Variants in CALN1 observed in about 807,000 individuals in gnomAD.
The protein encoded by CALN1 is calcium-binding protein 8.
In CALN1, 17 loss-of-function variants were observed where a neutral mutation model predicts 30.6. The observed-to-expected ratio is 0.56, with a 90% CI of 0.38 to 0.83. CALN1 has a LOEUF of 0.83. Ranked by LOEUF, CALN1 falls within the 40% of genes least tolerant of loss-of-function variation. CALN1 has a pLI of 0.00. For synonymous variants in CALN1, 156 were observed against 131.4 expected (o/e 1.19, Z -1.28); for missense variants, 291 against 354.9 (o/e 0.82, Z 1.45).
intron 5 of CALN1, among the ~76,000 whole-genome samples, chr7:72,022,765 G>A (rs571592544): frequency 6.6e-6 from 1 of 152,186 alleles, no homozygotes; most frequent in Non-Finnish European, 1.5e-5. Context: ...AGCACTGATA[G>A]ATTATAGCAT....
chr7:72,491,649 G>A, the CALN1 span, among the ~76,000 whole-genome samples: 5 of 152,164 alleles, frequency 3.3e-5, no homozygotes, highest in African/African-American at 1.2e-4. Flanking sequence ...CTTCACTGGG[G>A]CCTTCAGGAC....
rs565717241 is a variant in CALN1 at position 71,783,542 on chromosome 7, T to C, written c.*4233A>G. ...CACAGTAAACACAGATCCCAGGACA[T>C]GTGACCACACGTGGCCAGGCCAGCC... On this transcript the variant is annotated 3_prime_UTR_variant, in exon 7 of 7. Coordinates refer to ENST00000395275, the MANE Select transcript of CALN1 (RefSeq NM_031468.4). The C allele has an allele frequency of 2.6e-5, 4 of 152,596 alleles. No individual in the cohort carries two copies. Among genetic ancestry groups the C allele is most frequent in the Non-Finnish European group, 5.9e-5 (4 of 68,068 alleles). 9.5% of individuals were successfully genotyped at this position (152,596 alleles called of 1,614,324 possible).
At chr7:71,814,020 G>A (rs1361866771) in intron 5 of CALN1, among the ~76,000 whole-genome samples, 2 of 151,900 alleles carry the variant, frequency 1.3e-5, no homozygotes, top group Non-Finnish European at 2.9e-5. Flanking sequence ...CAGGAAGGGT[G>A]TATTACACAA....
chr7:72,356,994 G>T (rs1279897200), intron 2 of CALN1, among the ~76,000 whole-genome samples: 2 of 151,900 alleles, frequency 1.3e-5, no homozygotes, highest in African/African-American at 4.9e-5. Context: ...TTCAGGGCAA[G>T]AAGTGGAGAC....
intron 5 of CALN1, among the ~76,000 whole-genome samples, chr7:71,905,544 C>T (rs1173652036): frequency 6.6e-6 from 1 of 152,024 alleles, no homozygotes; most frequent in Non-Finnish European, 1.5e-5. Context: ...CTCATTGATC[C>T]TCTACATCAG....
At position 72,273,267 on chromosome 7, in the gene CALN1, C is replaced by A. The variant is rs950179565; in HGVS notation, c.244+5419G>T. ...GACTACCCTGTCTCTACTAAAATTA[C>A]AAAAATTCGCCAGGCGTGGTGGTGC... On this transcript the variant is annotated intron_variant, in intron 3 of 6. Transcript: ENST00000395275. 2.6e-5 allele frequency among the ~76,000 whole-genome samples: 4 copies of A among 151,840 alleles called. No individual in the cohort carries two copies. In the East Asian group the frequency reaches 7.8e-4, roughly 29 times the overall value.
intron 3 of CALN1, among the ~76,000 whole-genome samples, chr7:72,140,601 G>T (rs1002210055): frequency 6.6e-6 from 1 of 152,236 alleles, no homozygotes; most frequent in African/African-American, 2.4e-5. Context: ...GGCAGGCAGG[G>T]TGTGGCCAGT....
chr7:72,337,288 G>A (rs1405128196), intron 2 of CALN1: 4 of 985,094 alleles, frequency 4.1e-6, no homozygotes, highest in Admixed American at 6.2e-5. Flanking sequence ...GGCTCGCCTT[G>A]GCCGCCTGCG....
chr7:72,011,678 T>A (rs1800089969), intron 5 of CALN1, among the ~76,000 whole-genome samples: 1 of 152,176 alleles, frequency 6.6e-6, no homozygotes, highest in South Asian at 2.1e-4. Flanking sequence ...TTCCTTTCTC[T>A]CCTGTTTGCT....
In CALN1 at chr7:71,824,819, C is replaced by G. The variant is rs145691071; in HGVS notation, c.502-14327G>C. Among the ~76,000 whole-genome samples, 48 of 152,262 alleles carry G rather than the reference C, an allele frequency of 3.2e-4. 2 individuals carry two copies. Among genetic ancestry groups the G allele is most frequent in the African/African-American group, 1.1e-3 (46 of 41,558 alleles). ...CGATCAATGGGTCAGAACTTCTTAA[C>G]CAGGGAGCAGAATTGGTTGCAGTGC... On this transcript the variant is annotated intron_variant, in intron 5 of 6. Coordinates refer to ENST00000395275, the MANE Select transcript of CALN1 (RefSeq NM_031468.4).
At chr7:72,389,973 CA>C (rs1805472944) in intron 2 of CALN1, among the ~76,000 whole-genome samples, 1 of 151,286 alleles carries the variant, frequency 6.6e-6, no homozygotes, top group Admixed American at 6.6e-5. Context: ...GGAGAATTAA[CA>C]AGCACTAGTT....
At chr7:72,253,750 C>CT (rs1795722470) in intron 3 of CALN1, among the ~76,000 whole-genome samples, 2 of 152,172 alleles carry the variant, frequency 1.3e-5, no homozygotes, top group African/African-American at 4.8e-5. Flanking sequence ...TATCCCCATT[C>CT]TTTTTTTATA....
intron 3 of CALN1, among the ~76,000 whole-genome samples, chr7:72,196,453 A>G (rs1445733624): frequency 6.6e-6 from 1 of 151,924 alleles, no homozygotes; most frequent in Non-Finnish European, 1.5e-5. Flanking sequence ...AAATGTTCTA[A>G]AAGTGATTAC....
chr7:71,922,038 T>C (rs954211172), intron 5 of CALN1, among the ~76,000 whole-genome samples: 24 of 152,322 alleles, frequency 1.6e-4, no homozygotes, highest in African/African-American at 4.3e-4. Context: ...GAGATGCAAT[T>C]GTTGGCCAAA....
At position 71,847,847 on chromosome 7, in the gene CALN1, G is replaced by GAGAAGGAGAAGA. The variant is rs746393698; in HGVS notation, c.502-37356_502-37355insTCTTCTCCTTCT. Among the ~76,000 whole-genome samples the GAGAAGGAGAAGA allele has an allele frequency of 8.9e-3, 1,195 of 134,772 alleles. 27 individuals carry two copies. The highest frequency in any genetic ancestry group is 0.032 in the African/African-American group (1,084 of 34,188). The allele number at this position is 134,772 out of a possible 152,430, so 88.4% of individuals were successfully genotyped here. ...GGAGAAGGAGAAGGAGAAGGAGAAG[G>GAGAAGGAGAAGA]AGAAGAAGAAGAGGAAAGTTTTCCC... On this transcript the variant is annotated intron_variant, in intron 5 of 6. Coordinates refer to ENST00000395275, the MANE Select transcript of CALN1 (RefSeq NM_031468.4).
intron 4 of CALN1, among the ~76,000 whole-genome samples, chr7:72,075,327 C>T (rs569093686): frequency 2.0e-5 from 3 of 152,294 alleles, no homozygotes; most frequent in East Asian, 3.9e-4. Flanking sequence ...TCTGGGAACC[C>T]GGTGGCCCAG....
chr7:72,204,032 C>T lies in CALN1; in HGVS notation c.244+74654G>A, dbSNP rs1164076758. Among the ~76,000 whole-genome samples the T allele has an allele frequency of 2.4e-5, 3 of 124,714 alleles. No individual in the cohort carries two copies. In the East Asian group the frequency reaches 8.7e-4, roughly 36 times the overall value. 81.8% of individuals were successfully genotyped at this position (124,714 alleles called of 152,430 possible). ...TTTGAGACAGAGTCTCACTCTGTCG[C>T]CCAGGCTGGAGTGCAGTGGCGCAAT... On this transcript the variant is annotated intron_variant, in intron 3 of 6. Transcript: ENST00000395275.
chr7:72,027,601 C>T (rs573639398), intron 4 of CALN1, among the ~76,000 whole-genome samples: 10 of 151,744 alleles, frequency 6.6e-5, no homozygotes, highest in Non-Finnish European at 1.3e-4. Context: ...GTCCCAGCTA[C>T]GTGGGACGCA....
chr7:72,315,385 C>A (rs996406394), intron 2 of CALN1, among the ~76,000 whole-genome samples: 1 of 152,078 alleles, frequency 6.6e-6, no homozygotes, highest in Admixed American at 6.6e-5. Context: ...GAAAACAAAA[C>A]GTATGTGCTC....
Sources: allele counts gnomAD v4.1 joint callset (sites outside exome capture counted in the v4.1 genomes callset), GRCh38; gene constraint gnomAD v4.1.1; transcripts MANE v1.5; gene names NCBI Gene and HGNC (gene_info 2026-07-23, HGNC 2026-07-21).